PDE4B: variants seen among roughly 807,000 people sequenced by gnomAD.
PDE4B encodes the protein 3',5'-cyclic-AMP phosphodiesterase 4B.
PDE4B carries 20 observed loss-of-function variants against 82.2 expected under a neutral mutation model. That is an observed-to-expected ratio of 0.24 (90% CI 0.17 to 0.35). PDE4B has a LOEUF of 0.35. PDE4B is among the 10% of genes least tolerant of loss of function. The pLI, the probability that PDE4B is intolerant of heterozygous loss-of-function variation, is 1.00. For synonymous variants in PDE4B, 320 were observed against 318.9 expected (o/e 1.00, Z -0.04); for missense variants, 655 against 907.2 (o/e 0.72, Z 3.57).
intron 3 of PDE4B, among the ~76,000 whole-genome samples, chr1:66,161,273 C>T (rs534074530): frequency 5.2e-4 from 76 of 147,262 alleles, no homozygotes; most frequent in African/African-American, 1.8e-3. Context: ...AGGCGTCAAA[C>T]CTGAACACAC....
At chr1:65,860,897 TG>T (rs566000667) in intron 1 of PDE4B, among the ~76,000 whole-genome samples, 165 of 152,348 alleles carry the variant, frequency 1.1e-3, no homozygotes, top group South Asian at 3.5e-3. Context: ...TGGGGACATT[TG>T]TTTTTTTCTT....
intron 1 of PDE4B, among the ~76,000 whole-genome samples, chr1:65,850,984 A>G (rs900662032): frequency 6.6e-6 from 1 of 152,146 alleles, no homozygotes; most frequent in South Asian, 2.1e-4. Context: ...ATGAAGTGAG[A>G]TAATACTTGA....
chr1:65,813,429 A>T (rs1645842287), intron 1 of PDE4B, among the ~76,000 whole-genome samples: 1 of 152,082 alleles, frequency 6.6e-6, no homozygotes, highest in South Asian at 2.1e-4. Context: ...CAAGTTTGAG[A>T]TATTTTTGCC....
At chr1:66,147,207 T>C (rs1347722596) in intron 3 of PDE4B, among the ~76,000 whole-genome samples, 1 of 152,248 alleles carries the variant, frequency 6.6e-6, no homozygotes, top group Non-Finnish European at 1.5e-5. Flanking sequence ...AAGACCATTT[T>C]CAAATTATTT....
chr1:65,820,555 A>G (rs1645940763), intron 1 of PDE4B, among the ~76,000 whole-genome samples: 1 of 152,228 alleles, frequency 6.6e-6, no homozygotes. Context: ...TTCTAGAGGC[A>G]GAGTAAGAGC....
chr1:65,887,417 T>TTTTTTTTTTTTG lies in PDE4B; in HGVS notation c.-70-25817_-70-25816insGTTTTTTTTTTT, dbSNP rs1646802543. ...TCTTTCTTTTTCTTTTTCTTCTGTT[T>TTTTTTTTTTTTG]TTTTTTTTTTTTTTTTTTTTTACAG... On this transcript the variant is annotated intron_variant, in intron 1 of 16. Transcript: ENST00000341517. Among the ~76,000 whole-genome samples, 5 of 54,430 alleles carry TTTTTTTTTTTTG rather than the reference T, an allele frequency of 9.2e-5. 2 individuals carry two copies. The Admixed American group carries it at 1.1e-3, about 13-fold the overall frequency. The allele number at this position is 54,430 out of a possible 152,430, so 35.7% of individuals were successfully genotyped here.
intron 3 of PDE4B, among the ~76,000 whole-genome samples, chr1:66,085,759 G>A (rs1031023268): frequency 5.9e-5 from 9 of 152,178 alleles, no homozygotes; most frequent in Middle Eastern, 3.4e-3. Context: ...GCACCAGCAC[G>A]AAGATCCAGG....
intron 3 of PDE4B, among the ~76,000 whole-genome samples, chr1:66,191,952 C>G (rs1394897144): frequency 6.6e-6 from 1 of 152,110 alleles, no homozygotes; most frequent in Non-Finnish European, 1.5e-5. Flanking sequence ...CAATTATCTC[C>G]CACGGGTCCC....
chr1:66,137,490 A>G (rs1053804460), intron 3 of PDE4B, among the ~76,000 whole-genome samples: 2 of 152,216 alleles, frequency 1.3e-5, no homozygotes, highest in Non-Finnish European at 2.9e-5. Flanking sequence ...CCAGGATCTG[A>G]GTCACTTCTA....
At chr1:66,242,151 G>A (rs370498422) in intron 3 of PDE4B, among the ~76,000 whole-genome samples, 1 of 152,096 alleles carries the variant, frequency 6.6e-6, no homozygotes, top group South Asian at 2.1e-4. Context: ...GAGGGGTCAG[G>A]GCACAGATTG....
At chr1:65,924,295 C>T (rs1489522333) in intron 3 of PDE4B, among the ~76,000 whole-genome samples, 13 of 149,620 alleles carry the variant, frequency 8.7e-5, no homozygotes, top group African/African-American at 3.0e-4. Flanking sequence ...GGGATGGTCT[C>T]GATCTCCTGA....
intron 3 of PDE4B, among the ~76,000 whole-genome samples, chr1:66,235,619 T>C (rs977082854): frequency 6.6e-6 from 1 of 152,234 alleles, no homozygotes; most frequent in African/African-American, 2.4e-5. Flanking sequence ...AAGCCACATG[T>C]AGTCAGGTCA....
At chr1:66,197,625 A>G (rs1308967635) in intron 3 of PDE4B, among the ~76,000 whole-genome samples, 2 of 152,154 alleles carry the variant, frequency 1.3e-5, no homozygotes, top group Non-Finnish European at 2.9e-5. Context: ...AAGAATATAC[A>G]TCTCAAAGAG....
At chr1:65,862,522 C>T (rs774701741) in intron 1 of PDE4B, among the ~76,000 whole-genome samples, 1 of 151,866 alleles carries the variant, frequency 6.6e-6, no homozygotes, top group Non-Finnish European at 1.5e-5. Context: ...TTTTTTGTTG[C>T]GTTTCTGCCA....
At chr1:66,266,624 T>A (rs763119931) in intron 7 of PDE4B, 3 of 473,396 alleles carry the variant, frequency 6.3e-6, no homozygotes, top group South Asian at 4.8e-5. Flanking sequence ...CGGTGTTTTG[T>A]TTTGTTTTGT....
At chr1:66,349,276 T>C (rs957047602) in intron 8 of PDE4B, among the ~76,000 whole-genome samples, 5 of 152,214 alleles carry the variant, frequency 3.3e-5, no homozygotes, top group African/African-American at 1.2e-4. Context: ...ATTGATTCTA[T>C]TGTTGCTTCA....
At chr1:66,227,773 T>G (rs1347746620) in intron 3 of PDE4B, among the ~76,000 whole-genome samples, 7 of 152,236 alleles carry the variant, frequency 4.6e-5, no homozygotes, top group Admixed American at 4.6e-4. Flanking sequence ...ATCCACATTT[T>G]TATGGATATG....
At chr1:66,234,481 G>T (rs1028404591) in intron 3 of PDE4B, among the ~76,000 whole-genome samples, 20 of 152,094 alleles carry the variant, frequency 1.3e-4, no homozygotes, top group African/African-American at 4.6e-4. Flanking sequence ...TAGAGACAGG[G>T]TTTCACTATG....
chr1:66,361,996 C>A (rs1662814929), intron 10 of PDE4B, among the ~76,000 whole-genome samples: 1 of 151,856 alleles, frequency 6.6e-6, no homozygotes, highest in Non-Finnish European at 1.5e-5. Context: ...AACATGAGAC[C>A]AAGTCTTGGG....
Sources: allele counts gnomAD v4.1 joint callset (sites outside exome capture counted in the v4.1 genomes callset), GRCh38; gene constraint gnomAD v4.1.1; transcripts MANE v1.5; gene names NCBI Gene and HGNC (gene_info 2026-07-23, HGNC 2026-07-21).